FSTL5: variants seen among roughly 807,000 people sequenced by gnomAD.
FSTL5 encodes follistatin like 5, also known as follistatin-related protein 5.
A neutral mutation model predicts 89.1 loss-of-function variants in FSTL5; 62 were observed. That is an observed-to-expected ratio of 0.70 (90% CI 0.57 to 0.86). FSTL5 has a LOEUF of 0.86. Among genes scored for constraint, FSTL5 ranks in the 40% least tolerant of loss-of-function variants. The pLI, the probability that FSTL5 is intolerant of heterozygous loss-of-function variation, is 0.00. For missense variants in FSTL5, 1,057 were observed against 1,001.6 expected (o/e 1.06, Z -0.75); for synonymous variants, 383 against 346.2 (o/e 1.11, Z -1.18).
At chr4:161,944,107 T>A (rs1019048112) in intron 3 of FSTL5, among the ~76,000 whole-genome samples, 4 of 152,194 alleles carry the variant, frequency 2.6e-5, no homozygotes, top group Non-Finnish European at 4.4e-5. Flanking sequence ...CCAAGTTCTA[T>A]CTGGATACGA....
chr4:161,631,813 T>C (rs752785793), intron 7 of FSTL5, among the ~76,000 whole-genome samples: 1 of 152,166 alleles, frequency 6.6e-6, no homozygotes, highest in Non-Finnish European at 1.5e-5. Context: ...TTATTATTCA[T>C]TGAAGAAAAA....
intron 3 of FSTL5, among the ~76,000 whole-genome samples, chr4:161,988,853 G>C (rs1409428431): frequency 2.0e-5 from 3 of 152,096 alleles, no homozygotes; most frequent in African/African-American, 4.8e-5. Context: ...ATAATTTCTT[G>C]TGAATGCAAA....
At chr4:161,846,088 T>C (rs918122651) in intron 4 of FSTL5, among the ~76,000 whole-genome samples, 1 of 151,706 alleles carries the variant, frequency 6.6e-6, no homozygotes, top group Non-Finnish European at 1.5e-5. Flanking sequence ...TGTATTTGTG[T>C]GTGTGTTTGT....
chr4:161,863,603 C>T (rs138105564), intron 4 of FSTL5, among the ~76,000 whole-genome samples: 266 of 152,250 alleles, frequency 1.7e-3, no homozygotes, highest in Non-Finnish European at 2.9e-3. Context: ...AAAGAGTTTG[C>T]CTTTTCCAAT....
chr4:162,007,723 C>A (rs1412890033), intron 3 of FSTL5, among the ~76,000 whole-genome samples: 1 of 151,800 alleles, frequency 6.6e-6, no homozygotes, highest in African/African-American at 2.4e-5. Context: ...GCTGCACAAC[C>A]ATACAATGGG....
At chr4:162,069,118 T>C (rs1729482903) in intron 2 of FSTL5, among the ~76,000 whole-genome samples, 2 of 152,198 alleles carry the variant, frequency 1.3e-5, no homozygotes, top group South Asian at 2.1e-4. Flanking sequence ...AGTTTAACCA[T>C]TGTGGAAGAC....
chr4:161,587,711 G>C, intron 7 of FSTL5, 136 bp from the exon 8 acceptor site: 3 of 587,742 alleles, frequency 5.1e-6, no homozygotes, highest in Non-Finnish European at 2.9e-6. Context: ...AGCATTGTTG[G>C]GTGTATAAGC....
chr4:161,541,879 C>T (rs1263904219), intron 9 of FSTL5, among the ~76,000 whole-genome samples: 2 of 151,762 alleles, frequency 1.3e-5, no homozygotes, highest in Non-Finnish European at 2.9e-5. Flanking sequence ...TATGCAACTG[C>T]TTTTAGACTA....
intron 1 of FSTL5, among the ~76,000 whole-genome samples, chr4:162,147,709 G>C (rs528888475): frequency 5.3e-5 from 8 of 152,062 alleles, no homozygotes; most frequent in African/African-American, 1.9e-4. Flanking sequence ...TTATTCATTT[G>C]TATCTATAAA....
chr4:161,478,018 T>A (rs1378378786), intron 13 of FSTL5, among the ~76,000 whole-genome samples: 5 of 152,072 alleles, frequency 3.3e-5, no homozygotes, highest in African/African-American at 7.2e-5. Flanking sequence ...TGATGCACCT[T>A]GGATAGCTTC....
Position 161,733,633 on chromosome 4 carries a change from C to T in FSTL5, c.727+25778G>A, listed in dbSNP as rs915200358. Among the ~76,000 whole-genome samples, 16 of 152,050 alleles carry T rather than the reference C, an allele frequency of 1.1e-4. No individual in the cohort carries two copies. In the East Asian group the frequency reaches 2.7e-3, roughly 26 times the overall value. ...TTTCAAGTATACTGATTGCTAAAGT[C>T]TTTCATTGATGTCTTCTAACAAGTT... On this transcript the variant is annotated intron_variant, in intron 6 of 15. Coordinates refer to ENST00000306100, the MANE Select transcript of FSTL5 (RefSeq NM_020116.5).
intron 1 of FSTL5, among the ~76,000 whole-genome samples, chr4:162,153,727 T>TATATATA (rs1561049030): frequency 1.8e-5 from 1 of 55,340 alleles, no homozygotes; most frequent in Admixed American, 2.3e-4. Flanking sequence ...TAATAATATA[T>TATATATA]GTATATATGT....
At chr4:161,756,279 T>C (rs766201388) in intron 6 of FSTL5, among the ~76,000 whole-genome samples, 1 of 152,106 alleles carries the variant, frequency 6.6e-6, no homozygotes, top group African/African-American at 2.4e-5. Context: ...TCATGATTGC[T>C]GATTGCCAAG....
At chr4:161,601,844 T>C (rs1246195422) in intron 7 of FSTL5, among the ~76,000 whole-genome samples, 2 of 152,106 alleles carry the variant, frequency 1.3e-5, no homozygotes, top group African/African-American at 2.4e-5. Flanking sequence ...AAAAGAGGCA[T>C]GCCTACTTCC....
intron 4 of FSTL5, among the ~76,000 whole-genome samples, chr4:161,857,022 G>C (rs1055426734): frequency 6.6e-6 from 1 of 152,118 alleles, no homozygotes; most frequent in African/African-American, 2.4e-5. Context: ...GTATAGTCTT[G>C]GTTGATTATT....
chr4:161,705,891 G>A (rs1459136324), intron 6 of FSTL5, among the ~76,000 whole-genome samples: 3 of 142,540 alleles, frequency 2.1e-5, no homozygotes, highest in Non-Finnish European at 3.0e-5. Flanking sequence ...CAGCCTGGGT[G>A]ACAAAGTGAG....
intron 3 of FSTL5, among the ~76,000 whole-genome samples, chr4:161,935,818 A>G (rs531352453): frequency 1.3e-5 from 2 of 152,280 alleles, no homozygotes; most frequent in South Asian, 4.1e-4. Flanking sequence ...ATGCTTCACA[A>G]ATCATTTTAT....
chr4:162,155,964 T>A (rs1733453160), intron 1 of FSTL5, among the ~76,000 whole-genome samples: 1 of 152,170 alleles, frequency 6.6e-6, no homozygotes, highest in African/African-American at 2.4e-5. Flanking sequence ...ACAGTGGCAT[T>A]TTAAAGCATA....
chr4:161,826,267 A>AT (rs1730664356), intron 4 of FSTL5, among the ~76,000 whole-genome samples: 1 of 151,960 alleles, frequency 6.6e-6, no homozygotes, highest in Admixed American at 6.6e-5. Flanking sequence ...ATTTTCTTAA[A>AT]TTTTTTGAGG....
Sources: allele counts gnomAD v4.1 joint callset (sites outside exome capture counted in the v4.1 genomes callset), GRCh38; gene constraint gnomAD v4.1.1; transcripts MANE v1.5; gene names NCBI Gene and HGNC (gene_info 2026-07-23, HGNC 2026-07-21).